The following A1CF variants were observed in gnomAD, a reference collection of about 807,000 sequenced individuals.
A1CF encodes the protein APOBEC-1 stimulating protein.
In A1CF, 48 loss-of-function variants were observed where a neutral mutation model predicts 68.9. The observed-to-expected ratio is 0.70, with a 90% CI of 0.55 to 0.89. The LOEUF is 0.89. Among genes scored for constraint, A1CF ranks in the 40% least tolerant of loss-of-function variants. A1CF has a pLI of 0.00. For missense variants in A1CF, 653 were observed against 718.9 expected, an observed-to-expected ratio of 0.91 and a Z score of 1.05; for synonymous variants, 272 against 260.4, an observed-to-expected ratio of 1.04 and a Z score of -0.43.
chr10:50,825,738 GC>G (rs1177129916), intron 7 of A1CF, among the ~76,000 whole-genome samples: 3 of 152,126 alleles, frequency 2.0e-5, no homozygotes, highest in African/African-American at 7.2e-5. Context: ...AAGATGAGTA[GC>G]AACTAACTAT....
intron 1 of A1CF, among the ~76,000 whole-genome samples, chr10:50,882,756 G>A (rs151068477): frequency 6.6e-6 from 1 of 152,152 alleles, no homozygotes; most frequent in Non-Finnish European, 1.5e-5. Context: ...ATACTGTCTT[G>A]TTTGAACTTA....
At chr10:50,826,968 G>T (rs747471112) in intron 7 of A1CF, among the ~76,000 whole-genome samples, 98 of 152,184 alleles carry the variant, frequency 6.4e-4, no homozygotes, top group Non-Finnish European at 1.3e-3. Context: ...ACAAAAAAAG[G>T]CAGGGGTTGC....
At chr10:50,885,103 G>T (rs1164801769) in intron 1 of A1CF, among the ~76,000 whole-genome samples, 1 of 152,104 alleles carries the variant, frequency 6.6e-6, no homozygotes, top group Non-Finnish European at 1.5e-5. Flanking sequence ...TCTTTTTTAT[G>T]GTGGTAGTAG....
chr10:50,861,985 A>G (rs1259300822), intron 2 of A1CF, among the ~76,000 whole-genome samples: 1 of 151,076 alleles, frequency 6.6e-6, no homozygotes, highest in Non-Finnish European at 1.5e-5. Flanking sequence ...TAATAGTACT[A>G]CTATTAGTAA....
At chr10:50,861,966 T>C (rs1456348151) in intron 2 of A1CF, among the ~76,000 whole-genome samples, 2 of 150,794 alleles carry the variant, frequency 1.3e-5, no homozygotes, top group Non-Finnish European at 3.0e-5. Context: ...AGTAATACTA[T>C]AGTAATACTA....
At chr10:50,866,668 GA>G (rs1201565772) in intron 1 of A1CF, among the ~76,000 whole-genome samples, 1 of 152,168 alleles carries the variant, frequency 6.6e-6, no homozygotes, top group Non-Finnish European at 1.5e-5. Context: ...CCCTGAGCTA[GA>G]AAGAGGAAAC....
Position 50,829,268 on chromosome 10 carries a change from T to G in A1CF, c.605-973A>C, listed in dbSNP as rs7082887. ...TTTGGTGACTCTGCTCCTATACCCC[T>G]ACGCAGTGCAGATCTTGTTGAAGTG... On this transcript the variant is annotated intron_variant, in intron 6 of 12. Coordinates refer to ENST00000373997, the MANE Select transcript of A1CF (RefSeq NM_014576.4). 1.8e-3 allele frequency among the ~76,000 whole-genome samples: 272 copies of G among 152,162 alleles called. 1 individual carries two copies. The highest frequency in any genetic ancestry group is 6.2e-3 in the African/African-American group (256 of 41,542).
At chr10:50,880,816 G>A (rs1435213562) in intron 1 of A1CF, among the ~76,000 whole-genome samples, 1 of 152,184 alleles carries the variant, frequency 6.6e-6, no homozygotes, top group African/African-American at 2.4e-5. Context: ...CAGGCAGGTA[G>A]GAGATTTTAT....
chr10:50,874,189 C>T (rs1270659882), intron 1 of A1CF, among the ~76,000 whole-genome samples: 1 of 151,998 alleles, frequency 6.6e-6, no homozygotes, highest in African/African-American at 2.4e-5. Flanking sequence ...CACAGATCAT[C>T]AGATCATCAT....
At chr10:50,815,460 A>G (rs1838319205) in intron 9 of A1CF, among the ~76,000 whole-genome samples, 1 of 152,178 alleles carries the variant, frequency 6.6e-6, no homozygotes, top group Non-Finnish European at 1.5e-5. Flanking sequence ...TTTGGCTTCT[A>G]AGAAAGTATA....
At chr10:50,824,851 T>C (rs899561835) in intron 7 of A1CF, among the ~76,000 whole-genome samples, 1 of 152,162 alleles carries the variant, frequency 6.6e-6, no homozygotes, top group African/African-American at 2.4e-5. Flanking sequence ...TAGAAAGTAA[T>C]GGAATGAATA....
At position 50,805,300 on chromosome 10, in the gene A1CF, A is replaced by G. The variant is rs1191385989; in HGVS notation, c.*1429T>C. ...AAATTCTAGTACTGTGTCTTAAACC[A>G]CTAATGAGATTGATGTAGGAGTAAC... On this transcript the variant is annotated 3_prime_UTR_variant, in exon 13 of 13. Coordinates refer to ENST00000373997, the MANE Select transcript of A1CF (RefSeq NM_014576.4). 6.6e-6 allele frequency: 1 copy of G among 152,200 alleles called. No homozygotes were observed. Among genetic ancestry groups the G allele is most frequent in the African/African-American group, 2.4e-5 (1 of 41,452 alleles). 9.4% of individuals were successfully genotyped at this position (152,200 alleles called of 1,614,324 possible). A position where few individuals can be genotyped will look rare whatever the true frequency, so the allele number is the denominator to read the frequency against.
chr10:50,854,773 GAACAAAACAA>G (rs1189570272), intron 3 of A1CF, among the ~76,000 whole-genome samples: 1 of 151,518 alleles, frequency 6.6e-6, no homozygotes, highest in African/African-American at 2.4e-5. Flanking sequence ...CAAAACAGAA[GAACAAAACAA>G]AACAAAACAA....
chr10:50,881,661 G>A (rs1841778030), intron 1 of A1CF, among the ~76,000 whole-genome samples: 1 of 152,164 alleles, frequency 6.6e-6, no homozygotes, highest in Non-Finnish European at 1.5e-5. Context: ...AGGGAGGGAA[G>A]GCATCACTAC....
chr10:50,885,534 A>G (rs956905134), intron 1 of A1CF, 47 bp downstream of exon 1: 2 of 152,238 alleles, frequency 1.3e-5, no homozygotes, highest in Non-Finnish European at 2.9e-5. Context: ...CACAATACAC[A>G]GTTTCACAGA....
intron 10 of A1CF, among the ~76,000 whole-genome samples, chr10:50,813,415 C>A (rs188519292): frequency 6.6e-6 from 1 of 152,244 alleles, no homozygotes; most frequent in East Asian, 1.9e-4. Flanking sequence ...ACCCAGATAT[C>A]ATGGTGGAGT....
At chr10:50,854,381 G>A (rs530253687) in intron 3 of A1CF, among the ~76,000 whole-genome samples, 2 of 151,806 alleles carry the variant, frequency 1.3e-5, no homozygotes, top group East Asian at 1.9e-4. Flanking sequence ...TTATATTACT[G>A]TATAATTTGA....
At chr10:50,868,220 G>A (rs1841086250) in intron 1 of A1CF, among the ~76,000 whole-genome samples, 1 of 152,148 alleles carries the variant, frequency 6.6e-6, no homozygotes. Flanking sequence ...TATCTCCTGG[G>A]AATTTTACGT....
intron 3 of A1CF, among the ~76,000 whole-genome samples, chr10:50,845,352 T>C (rs984175732): frequency 9.2e-5 from 14 of 152,198 alleles, no homozygotes; most frequent in South Asian, 4.1e-4. Flanking sequence ...AAATGTGCAA[T>C]TGACATTTTC....
Sources: gnomAD v4.1 joint callset for allele counts (sites outside exome capture counted in the v4.1 genomes callset) on GRCh38, gnomAD v4.1.1 for gene constraint, MANE v1.5 for transcripts, NCBI Gene and HGNC (gene_info 2026-07-23, HGNC 2026-07-21) for gene names.